RAB22A: variants seen among roughly 807,000 people sequenced by gnomAD.
The protein encoded by RAB22A is RAB22A, member RAS oncogene family.
RAB22A carries 13 observed loss-of-function variants against 30.2 expected under a neutral mutation model. The observed-to-expected ratio is 0.43, with a 90% confidence interval of 0.28 to 0.68. The LOEUF (loss-of-function observed/expected upper bound fraction) is 0.68. RAB22A is among the 30% of genes least tolerant of loss of function. The probability of loss-of-function intolerance (pLI) is 0.18; values close to 1 mark genes in which losing one functional copy is unlikely to be tolerated. For synonymous variants in RAB22A, 89 were observed against 87.2 expected (o/e 1.02, Z -0.11); for missense variants, 177 against 246.8 (o/e 0.72, Z 1.89).
Position 58,347,052 on chromosome 20 carries a change from A to G in RAB22A, c.198+3253A>G, listed in dbSNP as rs115416713. On this transcript the variant is annotated intron_variant, in intron 3 of 6. Transcript: ENST00000244040. ...GACAGCTCCTCTACCTACTTTTACC[A>G]TGTGAGTAGTGCATGACTCAAATTA... Among the ~76,000 whole-genome samples, 338 of 152,308 alleles carry G rather than the reference A, an allele frequency of 2.2e-3. 1 individual carries two copies. The highest frequency in any genetic ancestry group is 7.6e-3 in the African/African-American group (317 of 41,556).
rs559041199 is a variant in RAB22A at position 58,366,295 on chromosome 20, T to A, written c.*6592T>A. On this transcript the variant is annotated 3_prime_UTR_variant, in exon 7 of 7. Transcript: ENST00000244040. ...ACTGCTCACCCCCTCCAGCTGGGGCTTTTCTAACAAGCACAGTCAGAAATG... is the reference window on the plus strand; with the variant it reads ...ACTGCTCACCCCCTCCAGCTGGGGCATTTCTAACAAGCACAGTCAGAAATG... 6.6e-6 allele frequency: 1 copy of A among 152,172 alleles called. No homozygotes were observed. The highest frequency in any genetic ancestry group is 1.5e-5 in the Non-Finnish European group (1 of 68,042). 9.4% of individuals were successfully genotyped at this position (152,172 alleles called of 1,614,324 possible).
At chr20:58,332,358 G>A (rs75746023) in intron 2 of RAB22A, among the ~76,000 whole-genome samples, 2,099 of 152,298 alleles carry the variant, frequency 0.014, 42 homozygotes, top group African/African-American at 0.047. Flanking sequence ...TTGAAGTGGG[G>A]CAGGTGAGCT....
At chr20:58,329,864 A>G (rs1986633480) in intron 2 of RAB22A, among the ~76,000 whole-genome samples, 1 of 152,108 alleles carries the variant, frequency 6.6e-6, no homozygotes, top group Non-Finnish European at 1.5e-5. Context: ...TGATTCCTCT[A>G]CAGTGTCTCC....
intron 2 of RAB22A, among the ~76,000 whole-genome samples, chr20:58,320,952 G>A (rs1264791122): frequency 6.6e-6 from 1 of 152,170 alleles, no homozygotes; most frequent in Non-Finnish European, 1.5e-5. Context: ...AGCACTTTGG[G>A]AGGCCGAGGC....
intron 2 of RAB22A, among the ~76,000 whole-genome samples, chr20:58,336,995 G>C (rs1171451136): frequency 2.6e-5 from 4 of 152,152 alleles, no homozygotes; most frequent in African/African-American, 4.8e-5. Context: ...CCCCCTGGGG[G>C]TCCTCGCCCA....
chr20:58,328,986 G>A (rs1012289076), intron 2 of RAB22A, among the ~76,000 whole-genome samples: 2 of 151,792 alleles, frequency 1.3e-5, no homozygotes, highest in Non-Finnish European at 2.9e-5. Flanking sequence ...AGCATTTCAT[G>A]TATTCAGGGC....
chr20:58,353,605 G>A (rs1221745994), intron 5 of RAB22A, 67 bp downstream of exon 5: 2 of 1,276,606 alleles, frequency 1.6e-6, no homozygotes, highest in African/African-American at 1.5e-5. Flanking sequence ...GCAATATCCA[G>A]TTTAAGAATC....
chr20:58,343,039 C>T (rs1279855342), intron 2 of RAB22A, among the ~76,000 whole-genome samples: 4 of 152,164 alleles, frequency 2.6e-5, no homozygotes, highest in Non-Finnish European at 4.4e-5. Context: ...TGAAAGTGAG[C>T]GGTGTGACCT....
At chr20:58,351,492 A>G (rs1170684405) in intron 3 of RAB22A, among the ~76,000 whole-genome samples, 2 of 152,126 alleles carry the variant, frequency 1.3e-5, no homozygotes, top group Non-Finnish European at 2.9e-5. Context: ...GAGGAAAAGA[A>G]CGGAGGAGCA....
Position 58,322,115 on chromosome 20 carries a change from T to C in RAB22A, c.116+10993T>C, listed in dbSNP as rs112803902. Among the ~76,000 whole-genome samples the C allele has an allele frequency of 4.6e-5, 7 of 152,362 alleles. 1 individual carries two copies. Among genetic ancestry groups the C allele is most frequent in the African/African-American group, 1.7e-4 (7 of 41,590 alleles). On this transcript the variant is annotated intron_variant, in intron 2 of 6. Transcript: ENST00000244040. ...ACCGGGCGTCATTGTTAGATTTTCT[T>C]GATGACCCTTTTACAAACGTCATGA...
chr20:58,309,797 C>G lies in RAB22A; in HGVS notation c.-180C>G, dbSNP rs1193746845. Reference sequence around the variant, plus strand: ...CGGCGTCCCGGCTGCTAAGGCGGGCCCCACGCGGCTGGCAGCGGACAGGCC... The same window carrying G: ...CGGCGTCCCGGCTGCTAAGGCGGGCGCCACGCGGCTGGCAGCGGACAGGCC... On this transcript the variant is annotated 5_prime_UTR_variant, in exon 1 of 7. Transcript: ENST00000244040. 1 of 462,308 alleles carries G rather than the reference C, an allele frequency of 2.2e-6. No homozygotes were observed. The highest frequency in any genetic ancestry group is 3.4e-6 in the Non-Finnish European group (1 of 295,062). The allele number at this position is 462,308 out of a possible 1,614,324, so 28.6% of individuals were successfully genotyped here. A position where few individuals can be genotyped will look rare whatever the true frequency, so the allele number is the denominator to read the frequency against.
rs1036748851 is a variant in RAB22A, at chr20:58,365,472, A to G, written c.*5769A>G. On this transcript the variant is annotated 3_prime_UTR_variant, in exon 7 of 7. Transcript: ENST00000244040. The stretch of plus-strand genomic sequence containing the variant: ...AGTTTATACTTGAATAATCAGTTTT[A>G]CTCCTGAAAAATTTTGAAGCCAGCA... 6.6e-6 allele frequency: 1 copy of G among 151,892 alleles called. No individual in the cohort carries two copies. The highest frequency in any genetic ancestry group is 1.5e-5 in the Non-Finnish European group (1 of 67,966). The allele number at this position is 151,892 out of a possible 1,614,324, so 9.4% of individuals were successfully genotyped here. A position where few individuals can be genotyped will look rare whatever the true frequency, so the allele number is the denominator to read the frequency against.
chr20:58,340,534 C>T (rs1213111876), intron 2 of RAB22A, among the ~76,000 whole-genome samples: 1 of 152,108 alleles, frequency 6.6e-6, no homozygotes, highest in Admixed American at 6.5e-5. Flanking sequence ...AACAGACAGC[C>T]ACTTAGCTTG....
chr20:58,338,007 A>G (rs915410210), intron 2 of RAB22A, among the ~76,000 whole-genome samples: 12 of 151,894 alleles, frequency 7.9e-5, no homozygotes, highest in Non-Finnish European at 5.9e-5. Flanking sequence ...GCTTTTTGCT[A>G]TTTAGTTATG....
chr20:58,309,972 G>C lies in RAB22A; in HGVS notation c.-5G>C, dbSNP rs2122914353. 7.9e-7 allele frequency: 1 copy of C among 1,265,972 alleles called. No individual in the cohort carries two copies. Among genetic ancestry groups the C allele is most frequent in the East Asian group, 3.1e-5 (1 of 31,972 alleles). 78.4% of individuals were successfully genotyped at this position (1,265,972 alleles called of 1,614,324 possible). A position where few individuals can be genotyped will look rare whatever the true frequency, so the allele number is the denominator to read the frequency against. On this transcript the variant is annotated 5_prime_UTR_variant, in exon 1 of 7. Coordinates refer to ENST00000244040, the MANE Select transcript of RAB22A (RefSeq NM_020673.3). ...CGGCGGGCCCGCGCCCCTGGCTCCC[G>C]GGCCATGGCGCTGAGGGAGCTCAAA...
At chr20:58,355,327 G>A (rs1987113462) in intron 6 of RAB22A, among the ~76,000 whole-genome samples, 1 of 152,242 alleles carries the variant, frequency 6.6e-6, no homozygotes, top group African/African-American at 2.4e-5. Context: ...CATCAGCTGG[G>A]GCCACACTGG....
At chr20:58,337,979 A>G (rs1438089334) in intron 2 of RAB22A, among the ~76,000 whole-genome samples, 1 of 152,146 alleles carries the variant, frequency 6.6e-6, no homozygotes, top group East Asian at 1.9e-4. Context: ...TATTATTGAC[A>G]AGTTTAGGAA....
chr20:58,353,538 G>C lies in RAB22A; in HGVS notation c.377G>C (p.Arg126Thr). ...AGNKCDLIDVREVMERDAKDY... is the reference protein window; with the variant it reads ...AGNKCDLIDVTEVMERDAKDY... ...AATAAATGTGATCTTATCGATGTAA[G>C]GTAAGTTATTAGAACGAGAGATTAC... The change falls in exon 5 of 7, where the codon AGA (arginine) becomes ACA (threonine). Residue 126 changes from arginine (R) to threonine (T), a missense_variant and splice_region_variant. Coordinates refer to ENST00000244040, the MANE Select transcript of RAB22A (RefSeq NM_020673.3). 6.3e-7 allele frequency: 1 copy of C among 1,583,356 alleles called. No individual in the cohort carries two copies. The highest frequency in any genetic ancestry group is 1.7e-5 in the Admixed American group (1 of 59,926).
chr20:58,336,294 G>A (rs1986751849), intron 2 of RAB22A, among the ~76,000 whole-genome samples: 1 of 151,968 alleles, frequency 6.6e-6, no homozygotes, highest in African/African-American at 2.4e-5. Flanking sequence ...TTACGGGTAT[G>A]AGCCACGGCG....
Sources: allele counts gnomAD v4.1 joint callset (sites outside exome capture counted in the v4.1 genomes callset), GRCh38; gene constraint gnomAD v4.1.1; transcripts MANE v1.5; gene names NCBI Gene and HGNC (gene_info 2026-07-23, HGNC 2026-07-21).